NDUFAF2: variants seen among roughly 807,000 people sequenced by gnomAD.
NDUFAF2 encodes the protein NADH dehydrogenase [ubiquinone] 1 alpha subcomplex assembly factor 2.
NDUFAF2 carries 13 observed loss-of-function variants against 22.8 expected under a neutral mutation model. That is an observed-to-expected ratio of 0.57 (90% CI 0.37 to 0.91). The LOEUF (loss-of-function observed/expected upper bound fraction) is 0.91. Among genes scored for constraint, NDUFAF2 ranks in the 40% least tolerant of loss-of-function variants. The pLI, the probability that NDUFAF2 is intolerant of heterozygous loss-of-function variation, is 0.01. For synonymous variants in NDUFAF2, 53 were observed against 64.2 expected (o/e 0.83, Z 0.84); for missense variants, 162 against 195.2 (o/e 0.83, Z 1.01).
intron 1 of NDUFAF2, among the ~76,000 whole-genome samples, chr5:60,947,826 TG>T: frequency 6.6e-6 from 1 of 152,136 alleles, no homozygotes; most frequent in Non-Finnish European, 1.5e-5. Flanking sequence ...TACCAGTTTT[TG>T]TATCATTCAT....
intron 1 of NDUFAF2, among the ~76,000 whole-genome samples, chr5:61,017,397 TTTAA>T (rs1199198356): frequency 6.6e-6 from 1 of 152,162 alleles, no homozygotes; most frequent in Non-Finnish European, 1.5e-5. Context: ...CACTTTTTTT[TTTAA>T]TTAATTGACT....
At chr5:61,152,573 A>G in intron 3 of NDUFAF2, 131 bp from the exon 4 acceptor site, 1 of 602,760 alleles carries the variant, frequency 1.7e-6, no homozygotes, top group Non-Finnish European at 2.6e-6. Context: ...ATATCTGTAT[A>G]TTATTTAAAT....
chr5:61,003,645 C>CTTT (rs33941286), intron 1 of NDUFAF2, among the ~76,000 whole-genome samples: 1 of 121,766 alleles, frequency 8.2e-6, no homozygotes, highest in Non-Finnish European at 1.7e-5. Context: ...AAAATCTATA[C>CTTT]TTTTTTTTTT....
At chr5:60,978,804 A>G (rs1413458414) in intron 1 of NDUFAF2, among the ~76,000 whole-genome samples, 4 of 152,148 alleles carry the variant, frequency 2.6e-5, no homozygotes, top group Admixed American at 2.0e-4. Context: ...TGCGGTGCCT[A>G]TGACCTAGTG....
chr5:61,127,014 G>A (rs1391160953), intron 3 of NDUFAF2, among the ~76,000 whole-genome samples: 3 of 152,004 alleles, frequency 2.0e-5, no homozygotes, highest in African/African-American at 4.8e-5. Context: ...ACACCTCTAC[G>A]CAAATAAACT....
intron 1 of NDUFAF2, among the ~76,000 whole-genome samples, chr5:61,045,787 T>A (rs563930667): frequency 6.6e-6 from 1 of 152,282 alleles, no homozygotes; most frequent in African/African-American, 2.4e-5. Context: ...AACATCTTCC[T>A]TTCTGATTTG....
At chr5:61,099,176 A>G in intron 3 of NDUFAF2, 144 bp downstream of exon 3, 1 of 329,212 alleles carries the variant, frequency 3.0e-6, no homozygotes, top group Non-Finnish European at 5.6e-6. Context: ...TAATAAATTA[A>G]TATATAAACC....
chr5:60,973,784 C>T (rs1750866554), intron 1 of NDUFAF2, among the ~76,000 whole-genome samples: 1 of 152,202 alleles, frequency 6.6e-6, no homozygotes, highest in East Asian at 1.9e-4. Flanking sequence ...ATACTTTTTA[C>T]AAAAGGATGA....
In NDUFAF2 at chr5:60,971,582, C is replaced by T. The variant is rs572184524; in HGVS notation, c.127+26200C>T. Among the ~76,000 whole-genome samples, 12 of 152,168 alleles carry T rather than the reference C, an allele frequency of 7.9e-5. No individual in the cohort carries two copies. The South Asian group carries it at 1.0e-3, about 13-fold the overall frequency. Reference sequence around the variant, plus strand: ...GATTACAGGCGTGAGCCACCGCGCCCGGCATATCCCCTAATGCTATCCCTC... The same window carrying T: ...GATTACAGGCGTGAGCCACCGCGCCTGGCATATCCCCTAATGCTATCCCTC... On this transcript the variant is annotated intron_variant, in intron 1 of 3. Transcript: ENST00000296597.
At position 61,108,414 on chromosome 5, in the gene NDUFAF2, T is replaced by C. The variant is rs888406853; in HGVS notation, c.258+9382T>C. 3.3e-5 allele frequency among the ~76,000 whole-genome samples: 5 copies of C among 150,854 alleles called. 1 individual carries two copies. The highest frequency in any genetic ancestry group is 7.4e-5 in the African/African-American group (3 of 40,364). ...CATTGTAACTGGTGTGAGATGGTATTTCATTGTGGTTTTGATTTGCATTTC... is the reference window on the plus strand; with the variant it reads ...CATTGTAACTGGTGTGAGATGGTATCTCATTGTGGTTTTGATTTGCATTTC... On this transcript the variant is annotated intron_variant, in intron 3 of 3. Coordinates refer to ENST00000296597, the MANE Select transcript of NDUFAF2 (RefSeq NM_174889.5).
intron 1 of NDUFAF2, among the ~76,000 whole-genome samples, chr5:61,050,044 A>G (rs1334347467): frequency 1.3e-5 from 2 of 152,020 alleles, no homozygotes; most frequent in African/African-American, 2.4e-5. Context: ...ACATACAAAT[A>G]TCTTTTCGAG....
At chr5:61,150,933 C>G (rs1006191180) in intron 3 of NDUFAF2, among the ~76,000 whole-genome samples, 1 of 152,188 alleles carries the variant, frequency 6.6e-6, no homozygotes, top group Non-Finnish European at 1.5e-5. Flanking sequence ...TCTCTACTCT[C>G]ACCCTCACTT....
intron 2 of NDUFAF2, among the ~76,000 whole-genome samples, chr5:61,082,757 T>C (rs1425281838): frequency 6.6e-6 from 1 of 152,196 alleles, no homozygotes; most frequent in Non-Finnish European, 1.5e-5. Context: ...ACATTTTCTT[T>C]ATCCAGTCTA....
At chr5:61,062,722 G>A (rs1752180790) in intron 1 of NDUFAF2, among the ~76,000 whole-genome samples, 1 of 152,092 alleles carries the variant, frequency 6.6e-6, no homozygotes, top group Non-Finnish European at 1.5e-5. Flanking sequence ...TCCCCAAATA[G>A]ATTGAACCCA....
chr5:61,007,697 G>A (rs1282293244), intron 1 of NDUFAF2, among the ~76,000 whole-genome samples: 3 of 152,166 alleles, frequency 2.0e-5, no homozygotes, highest in South Asian at 2.1e-4. Flanking sequence ...CTTTTACACT[G>A]TTGGTGGGAC....
chr5:61,150,753 G>A (rs1289865605), intron 3 of NDUFAF2, among the ~76,000 whole-genome samples: 1 of 152,104 alleles, frequency 6.6e-6, no homozygotes, highest in Non-Finnish European at 1.5e-5. Flanking sequence ...AGTTTAACCT[G>A]GTCCTGAACT....
intron 1 of NDUFAF2, among the ~76,000 whole-genome samples, chr5:60,968,906 T>C (rs1750792619): frequency 6.6e-6 from 1 of 152,020 alleles, no homozygotes; most frequent in Non-Finnish European, 1.5e-5. Flanking sequence ...GCTCTCTATC[T>C]TCATGAATTC....
At chr5:61,080,238 A>G (rs938773686) in intron 2 of NDUFAF2, among the ~76,000 whole-genome samples, 17 of 152,196 alleles carry the variant, frequency 1.1e-4, no homozygotes, top group African/African-American at 2.2e-4. Context: ...TAAAGTTGCT[A>G]TATTAATTCA....
intron 1 of NDUFAF2, among the ~76,000 whole-genome samples, chr5:60,968,651 AAAT>A (rs544775393): frequency 1.4e-3 from 207 of 152,156 alleles, no homozygotes; most frequent in African/African-American, 4.8e-3. Flanking sequence ...GCTGTGCAAT[AAAT>A]AATAATCAAA....
Sources: gnomAD v4.1 joint callset for allele counts (sites outside exome capture counted in the v4.1 genomes callset) on GRCh38, gnomAD v4.1.1 for gene constraint, MANE v1.5 for transcripts, NCBI Gene and HGNC (gene_info 2026-07-23, HGNC 2026-07-21) for gene names.